ATG5: variants seen among roughly 807,000 people sequenced by gnomAD.
ATG5 encodes autophagy protein 5.
ATG5 carries 14 observed loss-of-function variants against 36.5 expected under a neutral mutation model. The ratio of observed to expected loss-of-function variants is 0.38; its 90% CI spans 0.25 to 0.60. ATG5 has a LOEUF of 0.60. Ranked by LOEUF, ATG5 falls within the 20% of genes least tolerant of loss-of-function variation. The pLI is 0.60. For missense variants in ATG5, 195 were observed against 326.7 expected, an observed-to-expected ratio of 0.60 and a Z score of 3.11; for synonymous variants, 95 against 101.5, an observed-to-expected ratio of 0.94 and a Z score of 0.38.
chr6:106,299,610 C>T (rs560344741), intron 3 of ATG5, among the ~76,000 whole-genome samples: 4 of 152,244 alleles, frequency 2.6e-5, no homozygotes, highest in African/African-American at 9.6e-5. Flanking sequence ...ATTCAATTCT[C>T]GAAATGAATA....
At chr6:106,211,894 T>C (rs1776866141) in intron 6 of ATG5, among the ~76,000 whole-genome samples, 1 of 152,232 alleles carries the variant, frequency 6.6e-6, no homozygotes, top group Non-Finnish European at 1.5e-5. Context: ...TTTGTGTGTG[T>C]GCTTTGTTTT....
intron 3 of ATG5, among the ~76,000 whole-genome samples, chr6:106,299,356 T>C (rs1770111347): frequency 6.6e-6 from 1 of 152,200 alleles, no homozygotes; most frequent in South Asian, 2.1e-4. Flanking sequence ...TGTTGTATTA[T>C]TATTAGTTAT....
intron 6 of ATG5, among the ~76,000 whole-genome samples, chr6:106,246,418 A>G (rs2114508775): frequency 6.6e-6 from 1 of 150,916 alleles, no homozygotes; most frequent in Non-Finnish European, 1.5e-5. Flanking sequence ...ACACACACAC[A>G]CACACACACA....
At chr6:106,265,651 C>T (rs1779198687) in intron 5 of ATG5, among the ~76,000 whole-genome samples, 1 of 152,148 alleles carries the variant, frequency 6.6e-6, no homozygotes, top group African/African-American at 2.4e-5. Context: ...TCATAATAAA[C>T]ACTCTCACAG....
intron 7 of ATG5, among the ~76,000 whole-genome samples, chr6:106,187,488 C>T (rs1434300764): frequency 1.3e-5 from 2 of 151,766 alleles, no homozygotes; most frequent in East Asian, 3.9e-4. Context: ...AGCCAAACTC[C>T]TCTAATGAAA....
At chr6:106,284,608 T>C (rs1164848257) in intron 4 of ATG5, among the ~76,000 whole-genome samples, 2 of 152,060 alleles carry the variant, frequency 1.3e-5, no homozygotes, top group Admixed American at 6.6e-5. Context: ...AACTGCCTCA[T>C]CCCCACAAAG....
chr6:106,250,813 T>C (rs1778545438), intron 5 of ATG5, among the ~76,000 whole-genome samples: 1 of 152,202 alleles, frequency 6.6e-6, no homozygotes, highest in Non-Finnish European at 1.5e-5. Flanking sequence ...AGAAACATGA[T>C]TGTGCCAGTT....
At chr6:106,199,917 T>C (rs556902144) in intron 7 of ATG5, among the ~76,000 whole-genome samples, 1 of 152,304 alleles carries the variant, frequency 6.6e-6, no homozygotes, top group African/African-American at 2.4e-5. Flanking sequence ...TAAAGGCTAG[T>C]AAAGTTCAAG....
intron 6 of ATG5, among the ~76,000 whole-genome samples, chr6:106,203,130 T>A (rs371887325): frequency 6.6e-6 from 1 of 152,340 alleles, no homozygotes; most frequent in South Asian, 2.1e-4. Flanking sequence ...TTTCAACTTT[T>A]CGATAGGTTT....
chr6:106,315,388 C>A (rs533501440), intron 2 of ATG5, among the ~76,000 whole-genome samples: 1 of 152,242 alleles, frequency 6.6e-6, no homozygotes, highest in South Asian at 2.1e-4. Context: ...ATTCAGTGAA[C>A]AGGCAGGATG....
At chr6:106,281,769 G>A (rs1232773800) in intron 4 of ATG5, among the ~76,000 whole-genome samples, 1 of 152,146 alleles carries the variant, frequency 6.6e-6, no homozygotes, top group Non-Finnish European at 1.5e-5. Flanking sequence ...TTTTCAACAT[G>A]ATGTACAATT....
chr6:106,231,813 G>A (rs190368144), intron 6 of ATG5, among the ~76,000 whole-genome samples: 1,731 of 152,228 alleles, frequency 0.011, 30 homozygotes, highest in Non-Finnish European at 0.014. Flanking sequence ...AGATCAGGAT[G>A]AGCAGGCAGA....
chr6:106,188,904 G>C (rs1438590657), intron 7 of ATG5, among the ~76,000 whole-genome samples: 2 of 152,126 alleles, frequency 1.3e-5, no homozygotes, highest in Non-Finnish European at 2.9e-5. Context: ...CGGCATTTAT[G>C]TATTTTGTTT....
chr6:106,301,718 T>C (rs1028945510), intron 3 of ATG5, among the ~76,000 whole-genome samples: 3 of 152,064 alleles, frequency 2.0e-5, no homozygotes, highest in East Asian at 1.9e-4. Flanking sequence ...ATTTTCAGAT[T>C]TGGAATACTG....
At chr6:106,200,407 T>C (rs1776374971) in intron 7 of ATG5, among the ~76,000 whole-genome samples, 1 of 152,208 alleles carries the variant, frequency 6.6e-6, no homozygotes, top group Non-Finnish European at 1.5e-5. Flanking sequence ...ACTAATGCAT[T>C]ACCTGTTTCC....
chr6:106,299,825 A>G (rs1336885442), intron 3 of ATG5, among the ~76,000 whole-genome samples: 1 of 152,204 alleles, frequency 6.6e-6, no homozygotes, highest in African/African-American at 2.4e-5. Flanking sequence ...TTTTCCCCAT[A>G]CTGGAGAACT....
chr6:106,253,389 A>C (rs534550964), intron 5 of ATG5, among the ~76,000 whole-genome samples: 5 of 152,216 alleles, frequency 3.3e-5, no homozygotes, highest in Admixed American at 2.0e-4. Flanking sequence ...TCTTGGCAGA[A>C]GGTTTCTACC....
chr6:106,260,043 G>A (rs55690521), intron 5 of ATG5, among the ~76,000 whole-genome samples: 2,735 of 152,166 alleles, frequency 0.018, 49 homozygotes, highest in Non-Finnish European at 0.028. Context: ...TCACTCATAG[G>A]GGGGAACTGA....
At position 106,308,380 on chromosome 6, in the gene ATG5, CT is replaced by C; in HGVS notation, c.219del (p.Gly74AlafsTer4). 6.3e-7 allele frequency: 1 copy of C among 1,574,840 alleles called. No homozygotes were observed. The highest frequency in any genetic ancestry group is 1.7e-4 in the Middle Eastern group (1 of 5,892). ...TTCACTCACCATTTCAGTGGTGTGC[CT>C]TCATATTCAAACCATATCTCACTAA... The part of the protein sequence containing the change: ...EDISEIWFEY[E>X]GTPLKWHYPI... On this transcript the variant is annotated frameshift_variant, in exon 3 of 8. Coordinates refer to ENST00000369076, the MANE Select transcript of ATG5 (RefSeq NM_004849.4). LOFTEE classifies it high-confidence loss of function.
Sources: allele counts gnomAD v4.1 joint callset (sites outside exome capture counted in the v4.1 genomes callset), GRCh38; gene constraint gnomAD v4.1.1; transcripts MANE v1.5; gene names NCBI Gene and HGNC (gene_info 2026-07-23, HGNC 2026-07-21).